Variants in LHPP observed in about 807,000 individuals in gnomAD.
LHPP encodes the protein phospholysine phosphohistidine inorganic pyrophosphate phosphatase, also known as hLHPP.
In LHPP, 24 loss-of-function variants were observed where a neutral mutation model predicts 30.3. The observed-to-expected ratio is 0.79, with a 90% confidence interval of 0.57 to 1.11. LHPP has a LOEUF of 1.11. LHPP is among the 50% of genes most tolerant of loss of function. The probability of loss-of-function intolerance (pLI) is 0.00; values close to 1 mark genes in which losing one functional copy is unlikely to be tolerated. For synonymous variants in LHPP, 150 were observed against 157.1 expected (o/e 0.95, Z 0.34); for missense variants, 356 against 367.2 (o/e 0.97, Z 0.25).
intron 6 of LHPP, among the ~76,000 whole-genome samples, chr10:124,584,791 C>A (rs1006935810): frequency 3.9e-5 from 6 of 152,082 alleles, no homozygotes; most frequent in Non-Finnish European, 8.8e-5. Flanking sequence ...TCTTTAATTT[C>A]TTTTAACAAG....
chr10:124,514,124 G>C (rs981039263), intron 5 of LHPP, among the ~76,000 whole-genome samples: 1 of 152,162 alleles, frequency 6.6e-6, no homozygotes, highest in Admixed American at 6.5e-5. Flanking sequence ...ACTATGACAC[G>C]GGTGGCACCA....
chr10:124,472,400 T>C (rs542050730), intron 1 of LHPP, among the ~76,000 whole-genome samples: 1 of 152,304 alleles, frequency 6.6e-6, no homozygotes, highest in Non-Finnish European at 1.5e-5. Flanking sequence ...GCGAGCTTAT[T>C]AGGAGGGATG....
At chr10:124,492,358 GA>G (rs1953559852) in intron 3 of LHPP, among the ~76,000 whole-genome samples, 1 of 152,176 alleles carries the variant, frequency 6.6e-6, no homozygotes, top group Non-Finnish European at 1.5e-5. Flanking sequence ...AGAGAAGCCC[GA>G]AGCTACAGGA....
intron 1 of LHPP, among the ~76,000 whole-genome samples, chr10:124,466,780 A>T (rs767030153): frequency 2.0e-5 from 3 of 151,448 alleles, no homozygotes; most frequent in Non-Finnish European, 2.9e-5. Flanking sequence ...TAAGATTTTT[A>T]AACTATGTGA....
chr10:124,586,670 C>G (rs541683733), intron 6 of LHPP, among the ~76,000 whole-genome samples: 1 of 152,134 alleles, frequency 6.6e-6, no homozygotes, highest in Non-Finnish European at 1.5e-5. Context: ...CGAGAGGAGA[C>G]GACTTTCCAG....
intron 6 of LHPP, among the ~76,000 whole-genome samples, chr10:124,539,532 G>GA (rs1265287655): frequency 1.3e-5 from 2 of 152,106 alleles, no homozygotes; most frequent in Non-Finnish European, 2.9e-5. Context: ...AGGCCAAGGA[G>GA]AGCGGATCAC....
rs11377747 is a variant in LHPP at position 124,606,277 on chromosome 10, C to CGGG, written c.717-6983_717-6981dup. On this transcript the variant is annotated intron_variant, in intron 6 of 6. Transcript: ENST00000368842. ...AGGCCTGGTGTCTCCACACCATTCT[C>CGGG]GGGGGGACAGCAGCAAGGACGATGG... Among the ~76,000 whole-genome samples the CGGG allele has an allele frequency of 1.9e-4, 29 of 151,958 alleles. No homozygotes were observed. In the East Asian group the frequency reaches 2.7e-3, roughly 14 times the overall value.
In LHPP at chr10:124,484,185, C is replaced by T. The variant is rs1299567602; in HGVS notation, c.172C>T (p.Gln58Ter). 1 of 1,614,108 alleles carries T rather than the reference C, an allele frequency of 6.2e-7. No individual in the cohort carries two copies. Among genetic ancestry groups the T allele is most frequent in the East Asian group, 2.2e-5 (1 of 44,886 alleles). Residue 58 changes from glutamine to a stop codon, truncating the protein, a stop_gained, in exon 2 of 7, where the codon CAG (glutamine) becomes TAG (stop). Transcript: ENST00000368842. LOFTEE classifies it high-confidence loss of function. ...GGTGAGGTTCTGCACCAACGAGTCG[C>T]AGAAGTCCCGGGCAGAGCTGGTGGG... ...LKVRFCTNES[Q>*]KSRAELVGQL...
intron 6 of LHPP, among the ~76,000 whole-genome samples, chr10:124,528,225 T>C (rs1954794889): frequency 6.6e-6 from 1 of 152,248 alleles, no homozygotes; most frequent in Non-Finnish European, 1.5e-5. Context: ...ATTTGGTCTG[T>C]CCTGCTAGAC....
At chr10:124,489,663 A>C (rs947237923) in intron 3 of LHPP, among the ~76,000 whole-genome samples, 2 of 152,090 alleles carry the variant, frequency 1.3e-5, no homozygotes, top group Non-Finnish European at 2.9e-5. Flanking sequence ...CATGTTGGCC[A>C]GGATGGTCTC....
intron 6 of LHPP, among the ~76,000 whole-genome samples, chr10:124,565,877 A>T (rs1161272535): frequency 2.0e-5 from 3 of 152,208 alleles, no homozygotes; most frequent in African/African-American, 7.2e-5. Context: ...AGGAGGGGGA[A>T]GGGGTGTCAC....
chr10:124,529,584 T>C (rs1278131908), intron 6 of LHPP, among the ~76,000 whole-genome samples: 1 of 152,118 alleles, frequency 6.6e-6, no homozygotes, highest in Admixed American at 6.5e-5. Context: ...AGAGGAGTGC[T>C]CTACACTTTC....
At chr10:124,497,985 C>T (rs1463278383) in intron 4 of LHPP, 51 bp from the exon 5 acceptor site, 3 of 1,434,760 alleles carry the variant, frequency 2.1e-6, no homozygotes, top group East Asian at 2.3e-5. Flanking sequence ...GCTGGGCATA[C>T]ACCTGTTCCT....
intron 6 of LHPP, among the ~76,000 whole-genome samples, chr10:124,598,659 A>T (rs948717349): frequency 7.9e-6 from 1 of 126,374 alleles, no homozygotes; most frequent in Non-Finnish European, 1.7e-5. Context: ...CCATCCATCC[A>T]TCCCTATCCA....
At position 124,581,003 on chromosome 10, in the gene LHPP, C is replaced by T. The variant is rs530836274; in HGVS notation, c.717-32261C>T. ...CCTCCCAAAGTGCTGGGATTACAGA[C>T]GTAAGCCACCATGCCCGGCTATTTT... On this transcript the variant is annotated intron_variant, in intron 6 of 6. Coordinates refer to ENST00000368842, the MANE Select transcript of LHPP (RefSeq NM_022126.4). Among the ~76,000 whole-genome samples the T allele has an allele frequency of 1.1e-4, 17 of 152,266 alleles. 1 individual carries two copies. In the South Asian group the frequency reaches 1.7e-3, roughly 15 times the overall value.
At chr10:124,503,985 A>C (rs1953986721) in intron 5 of LHPP, among the ~76,000 whole-genome samples, 1 of 152,160 alleles carries the variant, frequency 6.6e-6, no homozygotes, top group Admixed American at 6.5e-5. Flanking sequence ...TGAGGTCAGA[A>C]GTTCCAGACC....
At chr10:124,480,829 C>G (rs763399043) in intron 1 of LHPP, among the ~76,000 whole-genome samples, 4 of 152,216 alleles carry the variant, frequency 2.6e-5, no homozygotes, top group Non-Finnish European at 5.9e-5. Flanking sequence ...TCTGCATTCA[C>G]TATGTGGTCA....
chr10:124,498,816 GC>G (rs75208793), intron 5 of LHPP: 91,453 of 313,022 alleles, frequency 0.29, 11,955 homozygotes, highest in East Asian at 0.4. Context: ...TACTAACCAG[GC>G]CCCCCCCCCG....
At chr10:124,463,757 C>G (rs770302535) in intron 1 of LHPP, among the ~76,000 whole-genome samples, 1 of 151,888 alleles carries the variant, frequency 6.6e-6, no homozygotes, top group Non-Finnish European at 1.5e-5. Context: ...GTCCTCCTGC[C>G]TTGGTCTCCC....
Sources: gnomAD v4.1 joint callset for allele counts (sites outside exome capture counted in the v4.1 genomes callset) on GRCh38, gnomAD v4.1.1 for gene constraint, MANE v1.5 for transcripts, NCBI Gene and HGNC (gene_info 2026-07-23, HGNC 2026-07-21) for gene names.